ENAH: variants seen among roughly 807,000 people sequenced by gnomAD.
The protein encoded by ENAH is ENAH actin regulator.
In ENAH, 23 loss-of-function variants were observed where a neutral mutation model predicts 78.7. The ratio of observed to expected loss-of-function variants is 0.29; its 90% CI spans 0.21 to 0.41. The LOEUF (loss-of-function observed/expected upper bound fraction) is 0.41, where lower values mean the gene tolerates loss of function less well. Ranked by LOEUF, ENAH falls within the 10% of genes least tolerant of loss-of-function variation. The probability of loss-of-function intolerance (pLI) is 1.00; values close to 1 mark genes in which losing one functional copy is unlikely to be tolerated. For synonymous variants in ENAH, 226 were observed against 241.0 expected, an observed-to-expected ratio of 0.94 and a Z score of 0.58; for missense variants, 544 against 691.0, an observed-to-expected ratio of 0.79 and a Z score of 2.39.
intron 1 of ENAH, among the ~76,000 whole-genome samples, chr1:225,592,973 T>C (rs1275714054): frequency 1.3e-5 from 2 of 152,138 alleles, no homozygotes; most frequent in Non-Finnish European, 2.9e-5. Context: ...TCCACACAGA[T>C]GAGGAATACG....
intron 4 of ENAH, among the ~76,000 whole-genome samples, chr1:225,521,069 CAG>C (rs574009638): frequency 1.3e-3 from 196 of 152,188 alleles, no homozygotes; most frequent in African/African-American, 4.6e-3. Flanking sequence ...CACACACACA[CAG>C]AGTTATCCTA....
chr1:225,598,702 GA>G (rs1056757528), intron 1 of ENAH, among the ~76,000 whole-genome samples: 12 of 151,976 alleles, frequency 7.9e-5, no homozygotes, highest in Admixed American at 7.9e-4. Context: ...AAAAGAATGG[GA>G]AAAGGTGTAA....
intron 5 of ENAH, 184 bp from the exon 6 acceptor site, chr1:225,517,490 C>T: frequency 1.3e-6 from 2 of 1,551,654 alleles, no homozygotes; most frequent in Non-Finnish European, 1.7e-6. Flanking sequence ...GTTACAGAGT[C>T]AACCAGCCCA....
At position 225,513,103 on chromosome 1, in the gene ENAH, A is replaced by G. The variant is rs1049934571; in HGVS notation, c.1219-87T>C. The G allele has an allele frequency of 1.3e-5, 15 of 1,190,716 alleles. No individual in the cohort carries two copies. In the African/African-American group the frequency reaches 2.1e-4, roughly 16 times the overall value. 73.8% of individuals were successfully genotyped at this position (1,190,716 alleles called of 1,614,324 possible). ...TATTACATCTAAAACAGAAGGAAAC[A>G]TCAGCATTAATTTTAAAAAACCTAA... On this transcript the variant is annotated intron_variant, in intron 7 of 13. Coordinates refer to ENST00000366843, the MANE Select transcript of ENAH (RefSeq NM_018212.6).
intron 11 of ENAH, chr1:225,504,979 G>C (rs747667983): frequency 1.2e-6 from 2 of 1,603,634 alleles, no homozygotes; most frequent in Admixed American, 1.7e-5. Context: ...CAACGTCACA[G>C]CAGGATGATA....
In ENAH at chr1:225,597,205, T is replaced by C. The variant is rs370538886; in HGVS notation, c.6-29791A>G. 5.9e-5 allele frequency among the ~76,000 whole-genome samples: 9 copies of C among 152,334 alleles called. No homozygotes were observed. In the South Asian group the frequency reaches 8.3e-4, roughly 14 times the overall value. On this transcript the variant is annotated intron_variant, in intron 1 of 13. Transcript: ENST00000366843. Reference sequence around the variant, plus strand: ...GAAAATATAAGAATTTAAACATTAATACCATATTAAATCATGAGTCTCCAT... The same window carrying C: ...GAAAATATAAGAATTTAAACATTAACACCATATTAAATCATGAGTCTCCAT...
chr1:225,650,461 T>C (rs1187390894), intron 1 of ENAH, among the ~76,000 whole-genome samples: 1 of 152,220 alleles, frequency 6.6e-6, no homozygotes, highest in Non-Finnish European at 1.5e-5. Flanking sequence ...CATCTATACA[T>C]GACAGTGATT....
chr1:225,581,334 T>C (rs1468019272), intron 1 of ENAH: 2 of 977,968 alleles, frequency 2.0e-6, no homozygotes, highest in Non-Finnish European at 2.4e-6. Flanking sequence ...CCAAGCACCG[T>C]AGAGTTAAAA....
chr1:225,542,353 C>G (rs973620603), intron 3 of ENAH, among the ~76,000 whole-genome samples: 5 of 152,350 alleles, frequency 3.3e-5, no homozygotes, highest in Non-Finnish European at 5.9e-5. Flanking sequence ...TGCCATCACA[C>G]TACTTTCCAG....
chr1:225,581,264 T>C (rs2096816175), intron 1 of ENAH: 4 of 984,276 alleles, frequency 4.1e-6, no homozygotes, highest in Non-Finnish European at 4.8e-6. Flanking sequence ...TTTCCTGTAG[T>C]TCTTCTTTTC....
chr1:225,524,718 C>T, intron 4 of ENAH: 1 of 854,490 alleles, frequency 1.2e-6, no homozygotes, highest in African/African-American at 1.8e-5. Context: ...TATTATTCCC[C>T]TTTTATAACT....
intron 1 of ENAH, among the ~76,000 whole-genome samples, chr1:225,585,659 T>G (rs1185498341): frequency 6.6e-6 from 1 of 152,000 alleles, no homozygotes. Flanking sequence ...CGTGGTGGTG[T>G]GCACCTGTAG....
chr1:225,589,074 T>C (rs2096862476), intron 1 of ENAH, among the ~76,000 whole-genome samples: 1 of 152,122 alleles, frequency 6.6e-6, no homozygotes, highest in Non-Finnish European at 1.5e-5. Context: ...GTATATATTT[T>C]ACGGTTCCTA....
chr1:225,608,888 C>G (rs2096972624), intron 1 of ENAH, among the ~76,000 whole-genome samples: 1 of 144,910 alleles, frequency 6.9e-6, no homozygotes, highest in African/African-American at 2.6e-5. Context: ...TTCAGAGCAA[C>G]TCTAGAAACA....
At chr1:225,554,336 A>T (rs1005066988) in intron 3 of ENAH, among the ~76,000 whole-genome samples, 5 of 152,294 alleles carry the variant, frequency 3.3e-5, no homozygotes, top group East Asian at 3.9e-4. Flanking sequence ...AGATTTTTTT[A>T]AAAAGTGATT....
chr1:225,498,049 G>A (rs748957298), intron 13 of ENAH, among the ~76,000 whole-genome samples: 11 of 152,116 alleles, frequency 7.2e-5, no homozygotes, highest in Admixed American at 1.3e-4. Context: ...TCAAAAACAA[G>A]AGGACACTGG....
chr1:225,636,271 T>A (rs994721675), intron 1 of ENAH, among the ~76,000 whole-genome samples: 12 of 152,196 alleles, frequency 7.9e-5, no homozygotes, highest in African/African-American at 2.9e-4. Context: ...GTTAACTTTT[T>A]ACAGACTCAG....
intron 2 of ENAH, among the ~76,000 whole-genome samples, chr1:225,558,340 G>C (rs2096678697): frequency 6.6e-6 from 1 of 152,168 alleles, no homozygotes; most frequent in Non-Finnish European, 1.5e-5. Context: ...ACCACCAGTA[G>C]AGCCAGCTAA....
intron 1 of ENAH, among the ~76,000 whole-genome samples, chr1:225,595,977 T>G (rs1346461955): frequency 1.3e-5 from 2 of 152,246 alleles, no homozygotes; most frequent in African/African-American, 4.8e-5. Flanking sequence ...ATTATTTCCT[T>G]ACTACTAAAG....
Sources: allele counts gnomAD v4.1 joint callset (sites outside exome capture counted in the v4.1 genomes callset), GRCh38; gene constraint gnomAD v4.1.1; transcripts MANE v1.5; gene names NCBI Gene and HGNC (gene_info 2026-07-23, HGNC 2026-07-21).